ACBD6: variants seen among roughly 807,000 people sequenced by gnomAD.
ACBD6 encodes acyl-CoA-binding domain-containing protein 6.
In ACBD6, 28 loss-of-function variants were observed where a neutral mutation model predicts 37.2. The observed-to-expected ratio is 0.75, with a 90% CI of 0.56 to 1.03. The LOEUF (loss-of-function observed/expected upper bound fraction) is 1.03, where lower values mean the gene tolerates loss of function less well. Ranked by LOEUF, ACBD6 falls within the 50% of genes least tolerant of loss-of-function variation. The pLI, the probability that ACBD6 is intolerant of heterozygous loss-of-function variation, is 0.00. For missense variants in ACBD6, 340 were observed against 337.4 expected (o/e 1.01, Z -0.06); for synonymous variants, 113 against 126.8 (o/e 0.89, Z 0.73).
At position 180,430,573 on chromosome 1, in the gene ACBD6, G is replaced by A. The variant is rs569022004; in HGVS notation, c.385-311C>T. Reference sequence around the variant, plus strand: ...ATGTGGTAAATATGGATGTTCAGGTGAGAAAAAGAAAAATAAATCCCAGAC... The same window carrying A: ...ATGTGGTAAATATGGATGTTCAGGTAAGAAAAAGAAAAATAAATCCCAGAC... On this transcript the variant is annotated intron_variant, in intron 3 of 7. Transcript: ENST00000367595. Among the ~76,000 whole-genome samples, 6 of 152,016 alleles carry A rather than the reference G, an allele frequency of 3.9e-5. No individual in the cohort carries two copies. In the South Asian group the frequency reaches 1.2e-3, roughly 32 times the overall value.
intron 7 of ACBD6, among the ~76,000 whole-genome samples, chr1:180,302,561 T>C (rs1163401271): frequency 1.3e-5 from 2 of 152,118 alleles, no homozygotes; most frequent in Non-Finnish European, 2.9e-5. Context: ...TTGTTTTCCA[T>C]TTGCTTGGTA....
At chr1:180,446,619 C>T (rs1372043683) in intron 3 of ACBD6, among the ~76,000 whole-genome samples, 2 of 152,092 alleles carry the variant, frequency 1.3e-5, no homozygotes, top group Non-Finnish European at 2.9e-5. Context: ...TTGGTTGCTA[C>T]TTATAACAGT....
chr1:180,307,337 G>A (rs1348867210), intron 7 of ACBD6, among the ~76,000 whole-genome samples: 7 of 152,138 alleles, frequency 4.6e-5, no homozygotes, highest in African/African-American at 1.7e-4. Context: ...AGAGAGTAGA[G>A]GGATGGTTAC....
chr1:180,386,154 A>C (rs1192455379), intron 6 of ACBD6, among the ~76,000 whole-genome samples: 1 of 152,230 alleles, frequency 6.6e-6, no homozygotes, highest in Non-Finnish European at 1.5e-5. Flanking sequence ...TGGGCGACAG[A>C]GCTAGACACT....
intron 3 of ACBD6, among the ~76,000 whole-genome samples, chr1:180,488,245 A>C (rs1323850137): frequency 6.6e-6 from 1 of 152,322 alleles, no homozygotes; most frequent in East Asian, 1.9e-4. Context: ...CAAAACAAAA[A>C]AAAACTTATC....
At chr1:180,339,289 C>A (rs747120624) in intron 6 of ACBD6, among the ~76,000 whole-genome samples, 2 of 152,160 alleles carry the variant, frequency 1.3e-5, no homozygotes, top group Non-Finnish European at 2.9e-5. Flanking sequence ...CCCAAATGTC[C>A]ATCAGTGACA....
chr1:180,303,348 T>C (rs1016106316), intron 7 of ACBD6, among the ~76,000 whole-genome samples: 11 of 151,030 alleles, frequency 7.3e-5, no homozygotes, highest in African/African-American at 2.2e-4. Context: ...ACAAAATTGA[T>C]AGACTGCTAG....
chr1:180,336,919 A>C (rs528710779), intron 6 of ACBD6, among the ~76,000 whole-genome samples: 20 of 152,332 alleles, frequency 1.3e-4, no homozygotes, highest in Middle Eastern at 3.4e-3. Context: ...AAATGGATAA[A>C]TTCCTCGACA....
intron 10 of ACBD6, chr1:180,274,448 G>A (rs1462784359): frequency 1.9e-6 from 3 of 1,614,230 alleles, no homozygotes; most frequent in Non-Finnish European, 2.5e-6. Context: ...AGGGCAGGGA[G>A]TAAGCCAGAC....
chr1:180,450,003 AC>A (rs906256106), intron 3 of ACBD6, among the ~76,000 whole-genome samples: 3 of 149,626 alleles, frequency 2.0e-5, no homozygotes, highest in African/African-American at 7.4e-5. Context: ...CACATTCAGG[AC>A]CCCCCCACCC....
At chr1:180,304,381 C>A (rs542885191) in intron 7 of ACBD6, among the ~76,000 whole-genome samples, 1 of 151,056 alleles carries the variant, frequency 6.6e-6, no homozygotes, top group South Asian at 2.1e-4. Flanking sequence ...CCAAAATCTC[C>A]TTAAGCTGAT....
chr1:180,376,683 G>A (rs1413143535), intron 6 of ACBD6, among the ~76,000 whole-genome samples: 1 of 152,076 alleles, frequency 6.6e-6, no homozygotes, highest in East Asian at 1.9e-4. Flanking sequence ...CAGAAACAAA[G>A]GAGACTGGTT....
intron 6 of ACBD6, among the ~76,000 whole-genome samples, chr1:180,371,422 G>C (rs183442179): frequency 1.3e-4 from 20 of 152,252 alleles, no homozygotes; most frequent in Admixed American, 9.2e-4. Flanking sequence ...GGTAGATACA[G>C]AGTTTAGAAT....
intron 6 of ACBD6, among the ~76,000 whole-genome samples, chr1:180,396,390 G>A (rs1211624576): frequency 6.6e-5 from 10 of 152,030 alleles, no homozygotes; most frequent in Non-Finnish European, 1.3e-4. Flanking sequence ...CTTGGATTTG[G>A]CAATGGTTTC....
At chr1:180,463,350 A>C (rs1650223084) in intron 3 of ACBD6, among the ~76,000 whole-genome samples, 1 of 152,026 alleles carries the variant, frequency 6.6e-6, no homozygotes, top group Non-Finnish European at 1.5e-5. Context: ...GATTCAAATA[A>C]ACACAATCAG....
intron 3 of ACBD6, among the ~76,000 whole-genome samples, chr1:180,442,267 T>G (rs1649310077): frequency 6.6e-6 from 1 of 151,616 alleles, no homozygotes; most frequent in Non-Finnish European, 1.5e-5. Flanking sequence ...TATGGGTTTA[T>G]GGCAGTGACT....
chr1:180,501,933 C>A, intron 1 of ACBD6, 112 bp downstream of exon 1: 26 of 937,294 alleles, frequency 2.8e-5, no homozygotes, highest in Non-Finnish European at 3.7e-5. Context: ...ACAAAATACA[C>A]ATACACAAGC....
intron 6 of ACBD6, among the ~76,000 whole-genome samples, chr1:180,382,480 C>T (rs182885928): frequency 2.6e-3 from 402 of 152,076 alleles, no homozygotes; most frequent in African/African-American, 9.4e-3. Flanking sequence ...TCCTGGACAA[C>T]ACAAACTGCC....
intron 9 of ACBD6, chr1:180,277,472 C>G (rs903294549): frequency 2.0e-5 from 3 of 152,166 alleles, no homozygotes; most frequent in Non-Finnish European, 2.9e-5. Flanking sequence ...GTAGGAAGCT[C>G]TTGAATCCAG....
Sources: allele counts gnomAD v4.1 joint callset (sites outside exome capture counted in the v4.1 genomes callset), GRCh38; gene constraint gnomAD v4.1.1; transcripts MANE v1.5; gene names NCBI Gene and HGNC (gene_info 2026-07-23, HGNC 2026-07-21).